Variants in DLC1 observed in about 807,000 individuals in gnomAD.
The protein encoded by DLC1 is DLC1 Rho GTPase activating protein.
A neutral mutation model predicts 140.3 loss-of-function variants in DLC1; 54 were observed. That is an observed-to-expected ratio of 0.38 (90% CI 0.31 to 0.48). The LOEUF (loss-of-function observed/expected upper bound fraction) is 0.48, where lower values mean the gene tolerates loss of function less well. Among genes scored for constraint, DLC1 ranks in the 20% least tolerant of loss-of-function variants. The pLI is 0.96. For synonymous variants in DLC1, 986 were observed against 728.1 expected (o/e 1.35, Z -5.70); for missense variants, 2,536 against 1,907.0 (o/e 1.33, Z -6.14).
At chr8:13,113,814 T>C (rs1260891997) in intron 6 of DLC1, among the ~76,000 whole-genome samples, 1 of 152,242 alleles carries the variant, frequency 6.6e-6, no homozygotes, top group Non-Finnish European at 1.5e-5. Context: ...AAATTGGAGA[T>C]ATTCTCTGGA....
chr8:13,151,740 A>G (rs1349864816), intron 5 of DLC1, among the ~76,000 whole-genome samples: 1 of 152,228 alleles, frequency 6.6e-6, no homozygotes, highest in Non-Finnish European at 1.5e-5. Flanking sequence ...AGTAGAAAAC[A>G]AAATGAAAAT....
chr8:13,433,432 A>C (rs1452421212), intron 2 of DLC1, among the ~76,000 whole-genome samples: 1 of 152,188 alleles, frequency 6.6e-6, no homozygotes, highest in African/African-American at 2.4e-5. Context: ...TTAACAGCTA[A>C]ACTTACCTAA....
chr8:13,464,669 C>G (rs1300305654), intron 2 of DLC1, among the ~76,000 whole-genome samples: 1 of 149,932 alleles, frequency 6.7e-6, no homozygotes, highest in Non-Finnish European at 1.5e-5. Flanking sequence ...CCACCTCCCT[C>G]AATGGAATAA....
At chr8:13,396,208 C>T (rs1008371477) in intron 3 of DLC1, among the ~76,000 whole-genome samples, 7 of 151,708 alleles carry the variant, frequency 4.6e-5, no homozygotes, top group Admixed American at 1.3e-4. Flanking sequence ...TACAGGCGCC[C>T]ACCACCACAC....
At chr8:13,129,153 T>C (rs879610217) in intron 5 of DLC1, among the ~76,000 whole-genome samples, 1 of 152,232 alleles carries the variant, frequency 6.6e-6, no homozygotes, top group Non-Finnish European at 1.5e-5. Context: ...AAAACACCGC[T>C]GATGGCGCTC....
intron 4 of DLC1, among the ~76,000 whole-genome samples, chr8:13,314,436 A>G (rs1049086727): frequency 1.3e-5 from 2 of 151,786 alleles, no homozygotes; most frequent in African/African-American, 4.8e-5. Context: ...TAGCTAAGAA[A>G]CAAAACAACA....
At chr8:13,568,037 C>T in intron 1 of DLC1, 1 of 1,354,288 alleles carries the variant, frequency 7.4e-7, no homozygotes, top group South Asian at 1.6e-5. Flanking sequence ...CTTTACTATG[C>T]TTCCTTCACA....
intron 5 of DLC1, among the ~76,000 whole-genome samples, chr8:13,142,334 C>A (rs183480262): frequency 1.6e-4 from 24 of 152,288 alleles, no homozygotes; most frequent in African/African-American, 5.5e-4. Flanking sequence ...AGGATTAGAT[C>A]TGATCTCTAT....
At chr8:13,489,434 C>CACACACACACACAG (rs1801134135) in intron 2 of DLC1, among the ~76,000 whole-genome samples, 1 of 149,618 alleles carries the variant, frequency 6.7e-6, no homozygotes, top group Admixed American at 6.8e-5. Context: ...CACACACACA[C>CACACACACACACAG]ACACACACAC....
chr8:13,444,237 G>A (rs1298113558), intron 2 of DLC1, among the ~76,000 whole-genome samples: 1 of 152,052 alleles, frequency 6.6e-6, no homozygotes, highest in Non-Finnish European at 1.5e-5. Context: ...ACTCATAGGT[G>A]GGAGTTGAAC....
intron 2 of DLC1, among the ~76,000 whole-genome samples, chr8:13,453,471 C>CATACAT (rs1799225104): frequency 8.1e-5 from 1 of 12,386 alleles, no homozygotes; most frequent in Non-Finnish European, 1.2e-4. Context: ...TATATATATA[C>CATACAT]ATATATATGT....
At chr8:13,336,743 A>T (rs1020068063) in intron 4 of DLC1, among the ~76,000 whole-genome samples, 1 of 152,222 alleles carries the variant, frequency 6.6e-6, no homozygotes, top group African/African-American at 2.4e-5. Flanking sequence ...AATGATTAAT[A>T]CAAAATAGTG....
intron 1 of DLC1, chr8:13,567,439 C>CA: frequency 6.4e-7 from 1 of 1,552,060 alleles, no homozygotes; most frequent in Non-Finnish European, 8.7e-7. Context: ...ACATAAAAAG[C>CA]TGCATCTTGG....
At chr8:13,258,887 C>A (rs930064733) in intron 5 of DLC1, among the ~76,000 whole-genome samples, 1 of 152,034 alleles carries the variant, frequency 6.6e-6, no homozygotes, top group African/African-American at 2.4e-5. Context: ...CCTGTAATCC[C>A]AGCACTTTGG....
chr8:13,227,019 C>A (rs1473483258), intron 5 of DLC1, among the ~76,000 whole-genome samples: 3 of 152,066 alleles, frequency 2.0e-5, no homozygotes, highest in Middle Eastern at 3.4e-3. Flanking sequence ...AGAAATAGTT[C>A]ATTATTACTC....
At chr8:13,353,728 G>A (rs572036221) in intron 4 of DLC1, among the ~76,000 whole-genome samples, 3 of 152,012 alleles carry the variant, frequency 2.0e-5, no homozygotes, top group Non-Finnish European at 1.5e-5. Flanking sequence ...CTGTTGGCAG[G>A]TGCCTGTAAA....
chr8:13,537,723 G>A (rs951132002), intron 1 of DLC1, among the ~76,000 whole-genome samples: 1 of 141,544 alleles, frequency 7.1e-6, no homozygotes, highest in Admixed American at 7.6e-5. Flanking sequence ...GCGCGATCTC[G>A]GCTCACTGCA....
chr8:13,233,778 C>T (rs1829159797), intron 5 of DLC1, among the ~76,000 whole-genome samples: 1 of 152,190 alleles, frequency 6.6e-6, no homozygotes, highest in Admixed American at 6.5e-5. Flanking sequence ...GCCTAAATTA[C>T]TCTTTTTCAT....
chr8:13,208,541 T>C (rs190451602), intron 5 of DLC1, among the ~76,000 whole-genome samples: 1 of 152,330 alleles, frequency 6.6e-6, no homozygotes, highest in Admixed American at 6.5e-5. Flanking sequence ...TTCCTTTCTT[T>C]GGTGCAGGGT....
Sources: gnomAD v4.1 joint callset for allele counts (sites outside exome capture counted in the v4.1 genomes callset) on GRCh38, gnomAD v4.1.1 for gene constraint, MANE v1.5 for transcripts, NCBI Gene and HGNC (gene_info 2026-07-23, HGNC 2026-07-21) for gene names.